Variants in NCOR1 observed in about 807,000 individuals in gnomAD.
NCOR1 encodes protein phosphatase 1, regulatory subunit 109.
In NCOR1, 63 loss-of-function variants were observed where a neutral mutation model predicts 288.1. The observed-to-expected ratio is 0.22, with a 90% CI of 0.18 to 0.27. The LOEUF (loss-of-function observed/expected upper bound fraction) is 0.27. Ranked by LOEUF, NCOR1 falls within the 10% of genes least tolerant of loss-of-function variation. The probability of loss-of-function intolerance (pLI) is 1.00; values close to 1 mark genes in which losing one functional copy is unlikely to be tolerated. For missense variants in NCOR1, 2,397 were observed against 3,019.2 expected, an observed-to-expected ratio of 0.79 and a Z score of 4.83; for synonymous variants, 1,007 against 1,065.9, an observed-to-expected ratio of 0.94 and a Z score of 1.08.
chr17:16,101,931 A>G, intron 19 of NCOR1, 174 bp from the exon 20 acceptor site: 2 of 805,292 alleles, frequency 2.5e-6, no homozygotes. Flanking sequence ...TGAAGTATTT[A>G]CAGCCATTGA....
At chr17:16,084,729 A>T (rs528311215) in intron 23 of NCOR1, among the ~76,000 whole-genome samples, 5 of 152,182 alleles carry the variant, frequency 3.3e-5, no homozygotes, top group Non-Finnish European at 5.9e-5. Context: ...AGACGTTTCA[A>T]CTGGTGCTAT....
intron 1 of NCOR1, among the ~76,000 whole-genome samples, chr17:16,206,312 T>C (rs544947750): frequency 4.0e-4 from 61 of 151,592 alleles, no homozygotes; most frequent in African/African-American, 1.4e-3. Context: ...ACACACACAA[T>C]TGTTTACAGC....
At chr17:16,148,480 A>G (rs1001904496) in intron 9 of NCOR1, among the ~76,000 whole-genome samples, 2 of 152,106 alleles carry the variant, frequency 1.3e-5, no homozygotes, top group African/African-American at 4.8e-5. Flanking sequence ...CCTTTGCAGA[A>G]TAATATATGG....
intron 4 of NCOR1, among the ~76,000 whole-genome samples, chr17:16,168,201 ATTTATT>A (rs1400421884): frequency 2.0e-5 from 3 of 152,010 alleles, no homozygotes; most frequent in Non-Finnish European, 4.4e-5. Context: ...GGATACCTTT[ATTTATT>A]TTTATTTTTT....
At chr17:16,116,909 T>C (rs1325689928) in intron 18 of NCOR1, among the ~76,000 whole-genome samples, 1 of 152,226 alleles carries the variant, frequency 6.6e-6, no homozygotes, top group African/African-American at 2.4e-5. Flanking sequence ...CCTGCCAAGA[T>C]TTATGCTTAG....
chr17:16,153,312 T>C (rs1400726504), intron 7 of NCOR1, 27 bp downstream of exon 7: 5 of 1,495,306 alleles, frequency 3.3e-6, no homozygotes, highest in Non-Finnish European at 4.6e-6. Context: ...AAAAAAAAAA[T>C]CACTGGAAAT....
chr17:16,113,136 C>T (rs1057076498), intron 18 of NCOR1, among the ~76,000 whole-genome samples: 2 of 150,146 alleles, frequency 1.3e-5, no homozygotes, highest in African/African-American at 2.5e-5. Context: ...AGGATGGTCT[C>T]GATCTCCTGA....
chr17:16,070,646 C>T (rs1168703288), intron 30 of NCOR1, 121 bp from the exon 31 acceptor site: 1 of 1,348,302 alleles, frequency 7.4e-7, no homozygotes, highest in South Asian at 1.4e-5. Context: ...GGTCTGTTTA[C>T]AAATCTCAAT....
chr17:16,075,573 T>C lies in NCOR1; in HGVS notation c.3631A>G (p.Ile1211Val). Reference protein sequence around the residue: ...REEAASKGHVIYEGKSGHILS... With the variant: ...REEAASKGHVVYEGKSGHILS... ...ATATGTCCACTTTTGCCTTCATAAA[T>C]AACATGGCCTTTGGATGCAGCTTCC... The change falls in exon 27 of 46, where the codon ATT becomes GTT. Residue 1211 changes from isoleucine to valine, a missense_variant. Ile to Val is a conservative substitution (Grantham distance 29). Around this residue, in one of 11 missense-constraint regions of NCOR1, gnomAD observed 1,872 missense variants for 2,187.8 expected, o/e 0.86. Coordinates refer to ENST00000268712, the MANE Select transcript of NCOR1 (RefSeq NM_006311.4). 1 of 1,614,268 alleles carries C rather than the reference T, an allele frequency of 6.2e-7. No homozygotes were observed.
chr17:16,038,217 T>C (rs1441338826), intron 44 of NCOR1, among the ~76,000 whole-genome samples: 1 of 152,148 alleles, frequency 6.6e-6, no homozygotes, highest in Non-Finnish European at 1.5e-5. Flanking sequence ...ACAAGAGATA[T>C]TCTCAAAATA....
intron 7 of NCOR1, among the ~76,000 whole-genome samples, chr17:16,152,564 T>C (rs557080741): frequency 6.6e-6 from 1 of 152,236 alleles, no homozygotes; most frequent in African/African-American, 2.4e-5. Context: ...TGATGGACAT[T>C]TGGGTTGGTT....
intron 1 of NCOR1, among the ~76,000 whole-genome samples, chr17:16,196,148 T>C (rs1198933404): frequency 6.7e-6 from 1 of 149,148 alleles, no homozygotes. Context: ...TATAAAAATA[T>C]AACATATATA....
At chr17:16,095,610 ACTGGGAAGTGAGGAGCCCCTCTGCCCG>A in intron 21 of NCOR1, among the ~76,000 whole-genome samples, 1 of 17,206 alleles carries the variant, frequency 5.8e-5, no homozygotes, top group Non-Finnish European at 1.3e-4. Context: ...GGCCGCCCCT[ACTGGGAAGTGAGGAGCCCCTCTGCCCG>A]GCCAGCCGCC....
In NCOR1 at chr17:16,039,687, T is replaced by A. The variant is rs115036757; in HGVS notation, c.6734-33A>T. 1.4e-3 allele frequency: 2,270 copies of A among 1,571,640 alleles called. 29 individuals carry two copies. In the African/African-American group the frequency reaches 0.026, roughly 18 times the overall value. On this transcript the variant is annotated intron_variant, in intron 43 of 45. Coordinates refer to ENST00000268712, the MANE Select transcript of NCOR1 (RefSeq NM_006311.4). ...AGAATCAAAAACATTTCCACTTATT[T>A]CTGAAAGGCCAATCAGGAAACAAAC...
chr17:16,101,465 T>A lies in NCOR1; in HGVS notation c.2475A>T (p.Glu825Asp). The A allele has an allele frequency of 6.2e-7, 1 of 1,614,194 alleles. No individual in the cohort carries two copies. Among genetic ancestry groups the A allele is most frequent in the African/African-American group, 1.3e-5 (1 of 75,050 alleles). Residue 825 changes from glutamate (E) to aspartate (D), a missense_variant, in exon 20 of 46, where the codon GAA becomes GAT. By Grantham distance (45) the Glu-to-Asp change is conservative. Around this residue, in one of 11 missense-constraint regions of NCOR1, gnomAD observed 1,872 missense variants for 2,187.8 expected, o/e 0.86. Coordinates refer to ENST00000268712, the MANE Select transcript of NCOR1 (RefSeq NM_006311.4). ...ATGCATGGTTTTCTGGCACCCTCAC[T>A]TCAACGTCCACAGAGTCAGCTTTGG... Reference protein sequence around the residue: ...PATKADSVDVEVRVPENHASK... With the variant: ...PATKADSVDVDVRVPENHASK...
At chr17:16,192,648 T>TC (rs2088718735) in intron 2 of NCOR1, among the ~76,000 whole-genome samples, 1 of 151,706 alleles carries the variant, frequency 6.6e-6, no homozygotes, top group African/African-American at 2.4e-5. Context: ...AGAGCAAAAC[T>TC]CCATCTCAAA....
rs1281831385 is a variant in NCOR1 at position 16,064,852 on chromosome 17, G to A, written c.5101+18C>T. ...CATGATGGTTCTATTAGAGAGGTGT[G>A]TAACTGTACAATCTCACCTGGAGAC... On this transcript the variant is annotated intron_variant, in intron 34 of 45. Transcript: ENST00000268712. 1 of 1,585,352 alleles carries A rather than the reference G, an allele frequency of 6.3e-7. No homozygotes were observed. The highest frequency in any genetic ancestry group is 1.3e-5 in the African/African-American group (1 of 74,260).
At chr17:16,041,427 T>TTTTTTG (rs2057579328) in intron 42 of NCOR1, among the ~76,000 whole-genome samples, 1 of 148,334 alleles carries the variant, frequency 6.7e-6, no homozygotes, top group Non-Finnish European at 1.5e-5. Flanking sequence ...TTTTTTCCTT[T>TTTTTTG]GAGATGGTGG....
At chr17:16,199,754 T>C (rs527691495) in intron 1 of NCOR1, among the ~76,000 whole-genome samples, 20 of 152,322 alleles carry the variant, frequency 1.3e-4, no homozygotes, top group African/African-American at 4.6e-4. Context: ...ACTGAAAAAA[T>C]TCTACGAATT....
Sources: gnomAD v4.1 joint callset for allele counts (sites outside exome capture counted in the v4.1 genomes callset) on GRCh38, gnomAD v4.1.1 for gene constraint, gnomAD v4.1.1 regional missense constraint, MANE v1.5 for transcripts, NCBI Gene and HGNC (gene_info 2026-07-23, HGNC 2026-07-21) for gene names.